MALT1: variants seen among roughly 807,000 people sequenced by gnomAD.
The protein encoded by MALT1 is MALT1 paracaspase.
MALT1 carries 36 observed loss-of-function variants against 85.5 expected under a neutral mutation model. That is an observed-to-expected ratio of 0.42 (90% confidence interval 0.32 to 0.56). The LOEUF (loss-of-function observed/expected upper bound fraction) is 0.56, where lower values mean the gene tolerates loss of function less well. MALT1 is among the 20% of genes least tolerant of loss of function. The pLI is 0.10. For synonymous variants in MALT1, 359 were observed against 361.3 expected (o/e 0.99, Z 0.07); for missense variants, 716 against 981.6 (o/e 0.73, Z 3.62).
chr18:58,709,348 TA>T, intron 4 of MALT1, 29 bp from the exon 5 acceptor site: 1 of 1,450,040 alleles, frequency 6.9e-7, no homozygotes, highest in Non-Finnish European at 9.3e-7. Flanking sequence ...ATTTTTAACC[TA>T]GAGATTTTAT....
In MALT1 at chr18:58,734,352, C is replaced by A; in HGVS notation, c.1446C>A (p.Val482=). 4.3e-6 allele frequency: 7 copies of A among 1,613,736 alleles called. No homozygotes were observed. Among genetic ancestry groups the A allele is most frequent in the Non-Finnish European group, 5.9e-6 (7 of 1,179,642 alleles). ...DTIPILDALK[V]TANIVFGYAT... is the part of the protein sequence containing the mutation. ...TTCCAATCTTGGATGCACTAAAAGT[C>A]ACCGCCAATATTGTGTTTGGATATG... Residue 482 remains valine, a synonymous_variant, in exon 12 of 17, where the codon GTC becomes GTA. Transcript: ENST00000649217.
intron 11 of MALT1, 153 bp downstream of exon 11, chr18:58,733,727 T>A: frequency 1.3e-6 from 1 of 753,960 alleles, no homozygotes; most frequent in South Asian, 2.1e-5. Context: ...AAAATACATT[T>A]ACTCCATGTA....
At chr18:58,745,580 T>C (rs2055355033) in intron 15 of MALT1, 86 bp from the exon 16 acceptor site, 4 of 1,180,194 alleles carry the variant, frequency 3.4e-6, no homozygotes, top group Non-Finnish European at 3.7e-6. Context: ...GAGAGGATAG[T>C]ATCAGTTAAG....
chr18:58,736,748 T>C (rs1192447835), intron 13 of MALT1, among the ~76,000 whole-genome samples: 1 of 152,210 alleles, frequency 6.6e-6, no homozygotes, highest in African/African-American at 2.4e-5. Context: ...TTAACCAGAA[T>C]TGCCCAGGCA....
At chr18:58,722,296 G>T (rs1227813979) in intron 9 of MALT1, among the ~76,000 whole-genome samples, 2 of 151,950 alleles carry the variant, frequency 1.3e-5, no homozygotes, top group Non-Finnish European at 1.5e-5. Context: ...ACTTTTTAAG[G>T]CATAGATACA....
At chr18:58,682,989 A>G (rs1015718939) in intron 2 of MALT1, among the ~76,000 whole-genome samples, 1 of 152,212 alleles carries the variant, frequency 6.6e-6, no homozygotes. Flanking sequence ...CCACCCTCCC[A>G]AATGCAACTG....
chr18:58,714,761 C>T (rs537566431), intron 8 of MALT1, among the ~76,000 whole-genome samples: 1 of 151,732 alleles, frequency 6.6e-6, no homozygotes, highest in South Asian at 2.1e-4. Context: ...AGGATATCAA[C>T]CTCGTGTAGG....
chr18:58,681,352 A>G lies in MALT1; in HGVS notation c.376+16A>G. Reference sequence around the variant, plus strand: ...AGCCCCCCAGGTAGGTTTTGTTCTTAGGATTATTCTCCAGGAGTTCATGGA... The same window carrying G: ...AGCCCCCCAGGTAGGTTTTGTTCTTGGGATTATTCTCCAGGAGTTCATGGA... On this transcript the variant is annotated intron_variant, in intron 2 of 16. Coordinates refer to ENST00000649217, the MANE Select transcript of MALT1 (RefSeq NM_006785.4). The G allele has an allele frequency of 6.2e-7, 1 of 1,605,606 alleles. No homozygotes were observed. Among genetic ancestry groups the G allele is most frequent in the Non-Finnish European group, 8.5e-7 (1 of 1,175,876 alleles).
chr18:58,690,418 CT>C (rs2054479350), intron 2 of MALT1: 1 of 155,908 alleles, frequency 6.4e-6, no homozygotes, highest in Non-Finnish European at 1.4e-5. Context: ...ACCTTGGGAG[CT>C]TCGGGGCCCC....
At chr18:58,688,150 CA>C (rs2054433901) in intron 2 of MALT1, among the ~76,000 whole-genome samples, 1 of 152,120 alleles carries the variant, frequency 6.6e-6, no homozygotes, top group African/African-American at 2.4e-5. Flanking sequence ...CCCTGTCGCA[CA>C]AGGCTTTGTG....
intron 1 of MALT1, chr18:58,674,120 C>T (rs2144292685): frequency 6.6e-6 from 1 of 152,148 alleles, no homozygotes; most frequent in African/African-American, 2.4e-5. Flanking sequence ...TGGAGGACTC[C>T]TACATGGCCA....
At chr18:58,681,419 G>A in intron 2 of MALT1, 83 bp downstream of exon 2, 6 of 1,317,526 alleles carry the variant, frequency 4.6e-6, no homozygotes, top group Non-Finnish European at 6.1e-6. Context: ...CAGGTGAACT[G>A]TGTTAAGTAT....
chr18:58,707,377 C>A (rs2054767263), intron 4 of MALT1, among the ~76,000 whole-genome samples: 1 of 148,112 alleles, frequency 6.8e-6, no homozygotes, highest in South Asian at 2.1e-4. Flanking sequence ...TTTTTTTTAA[C>A]AAGTAAACAT....
In MALT1 at chr18:58,747,843, C is replaced by T. The variant is rs1390136297; in HGVS notation, c.*1C>T. ...CAGGCTCAGAATTTCTGAAAAATGA[C>T]CTCCTTGTTTTTGAAAGTTAGCATA... On this transcript the variant is annotated 3_prime_UTR_variant, in exon 17 of 17. Transcript: ENST00000649217. The T allele has an allele frequency of 6.2e-7, 1 of 1,609,012 alleles. No homozygotes were observed. The highest frequency in any genetic ancestry group is 8.5e-7 in the Non-Finnish European group (1 of 1,176,636).
rs144004174 is a variant in MALT1, at chr18:58,680,463, A to G, written c.210-707A>G. Among the ~76,000 whole-genome samples, 47 of 152,246 alleles carry G rather than the reference A, an allele frequency of 3.1e-4. No individual in the cohort carries two copies. In the East Asian group the frequency reaches 6.8e-3, roughly 22 times the overall value. ...TTAAGGATATTTTTAGTATTTTTCA[A>G]TTGCTAACCTTGTAACACTGATTGT... On this transcript the variant is annotated intron_variant, in intron 1 of 16. Coordinates refer to ENST00000649217, the MANE Select transcript of MALT1 (RefSeq NM_006785.4).
chr18:58,739,643 C>T (rs568357328), intron 13 of MALT1, among the ~76,000 whole-genome samples: 1 of 152,318 alleles, frequency 6.6e-6, no homozygotes, highest in East Asian at 1.9e-4. Flanking sequence ...ACTGACCTCC[C>T]ACAAGCATGG....
intron 10 of MALT1, among the ~76,000 whole-genome samples, chr18:58,729,133 AG>A (rs1602329685): frequency 6.6e-6 from 1 of 152,188 alleles, no homozygotes; most frequent in Non-Finnish European, 1.5e-5. Flanking sequence ...CAGATGAAGG[AG>A]TATGCTATGT....
Position 58,723,216 on chromosome 18 carries a change from ATG to A in MALT1, c.1188_1189del (p.Asp396GlufsTer22). The A allele has an allele frequency of 6.2e-7, 1 of 1,613,926 alleles. No individual in the cohort carries two copies. The highest frequency in any genetic ancestry group is 8.5e-7 in the Non-Finnish European group (1 of 1,179,850). On this transcript the variant is annotated frameshift_variant, in exon 10 of 17. Transcript: ENST00000649217. LOFTEE classifies it high-confidence loss of function. ...GAATATGAGATGCGTAATGCTGTGG[ATG>A]AGTTTTTACTCCTTTTAGACAAGGG...
In MALT1 at chr18:58,671,656, G is replaced by A; in HGVS notation, c.13G>A (p.Gly5Arg). Residue 5 changes from glycine (G) to arginine (R), a missense_variant, in exon 1 of 17, where the codon GGG becomes AGG. Around this residue, in one of 4 missense-constraint regions of MALT1, gnomAD observed 80 missense variants for 65.1 expected, o/e 1.23. Transcript: ENST00000649217. MSLL[G>R]DPLQALPPSA... ...GCCGGCGAGGGCCATGTCGCTGTTG[G>A]GGGACCCGCTACAGGCCCTGCCGCC... 8.2e-7 allele frequency: 1 copy of A among 1,219,260 alleles called. No homozygotes were observed. The highest frequency in any genetic ancestry group is 1.0e-6 in the Non-Finnish European group (1 of 979,938). The allele number at this position is 1,219,260 out of a possible 1,614,324, so 75.5% of individuals were successfully genotyped here. A position where few individuals can be genotyped will look rare whatever the true frequency, so the allele number is the denominator to read the frequency against.
Sources: allele counts gnomAD v4.1 joint callset (sites outside exome capture counted in the v4.1 genomes callset), GRCh38; gene constraint gnomAD v4.1.1; regional missense constraint gnomAD v4.1.1; transcripts MANE v1.5; gene names NCBI Gene and HGNC (gene_info 2026-07-23, HGNC 2026-07-21).